PPP2R3B: variants seen among roughly 807,000 people sequenced by gnomAD.
PPP2R3B encodes the protein serine/threonine-protein phosphatase 2A regulatory subunit B'' subunit beta.
PPP2R3B carries 68 observed loss-of-function variants against 72.9 expected under a neutral mutation model. The ratio of observed to expected loss-of-function variants is 0.93; its 90% CI spans 0.77 to 1.14. The LOEUF is 1.14. Among genes scored for constraint, PPP2R3B ranks in the 50% most tolerant of loss-of-function variants. PPP2R3B has a pLI of 0.00. For synonymous variants in PPP2R3B, 466 were observed against 375.8 expected (o/e 1.24, Z -2.78); for missense variants, 1,018 against 842.0 (o/e 1.21, Z -2.59).
At chrX:339,190 A>G (rs2070984621) in intron 10 of PPP2R3B, among the ~76,000 whole-genome samples, 1 of 150,636 alleles carries the variant, frequency 6.6e-6, no homozygotes, top group East Asian at 2.0e-4. Flanking sequence ...TGGATCTGAA[A>G]TTACAGAGAA....
chrX:353,279 C>G (rs1316164332), intron 2 of PPP2R3B, among the ~76,000 whole-genome samples: 2 of 151,990 alleles, frequency 1.3e-5, no homozygotes, highest in Non-Finnish European at 2.9e-5. Flanking sequence ...GAGGCTGAGG[C>G]AGGAGAATGG....
intron 12 of PPP2R3B, chrX:335,968 C>T (rs2070878176): frequency 6.6e-6 from 1 of 152,266 alleles, no homozygotes; most frequent in African/African-American, 2.4e-5. Flanking sequence ...GCATCCAAGA[C>T]CAACCTGGGC....
chrX:386,640 G>A lies in PPP2R3B; in HGVS notation c.52C>T (p.Leu18=), dbSNP rs1343066043. Residue 18 remains leucine (L), a synonymous_variant, in exon 1 of 13, where the codon CTG becomes TTG. Coordinates refer to ENST00000390665, the MANE Select transcript of PPP2R3B (RefSeq NM_013239.5). The stretch of plus-strand genomic sequence containing the variant: ...GCCTCGCTGAGCCAGTACAGGAACA[G>A]CTCGTCCACCTTCATCTTCAGGACC... ...QPVLKMKVDE[L]FLYWLSEAST... 1.4e-6 allele frequency: 2 copies of A among 1,426,796 alleles called. No individual in the cohort carries two copies. The highest frequency in any genetic ancestry group is 1.8e-6 in the Non-Finnish European group (2 of 1,090,326). 88.4% of individuals were successfully genotyped at this position (1,426,796 alleles called of 1,614,324 possible).
chrX:342,056 G>C (rs771950934), intron 7 of PPP2R3B, 125 bp from the exon 8 acceptor site: 1 of 1,180,248 alleles, frequency 8.5e-7, no homozygotes, highest in African/African-American at 1.5e-5. Flanking sequence ...GTCTGGGAGA[G>C]CCCCGGGGCC....
chrX:335,732 T>TCA (rs1300271486), intron 12 of PPP2R3B: 1 of 152,236 alleles, frequency 6.6e-6, no homozygotes, highest in African/African-American at 2.4e-5. Flanking sequence ...GCCCCTCGCC[T>TCA]CACTGATCAC....
Position 334,122 on chromosome X carries a change from G to A in PPP2R3B, c.*245C>T, listed in dbSNP as rs957744119. On this transcript the variant is annotated 3_prime_UTR_variant, in exon 13 of 13. Coordinates refer to ENST00000390665, the MANE Select transcript of PPP2R3B (RefSeq NM_013239.5). The stretch of plus-strand genomic sequence containing the variant: ...CCAGGCTGGGTCGGGAACGGCAAGC[G>A]CCAGAGGGTGTCCGTGTGGGAACCC... The A allele has an allele frequency of 1.4e-4, 56 of 403,574 alleles. No individual in the cohort carries two copies. Among genetic ancestry groups the A allele is most frequent in the South Asian group, 3.0e-4 (5 of 16,438 alleles). The allele number at this position is 403,574 out of a possible 1,614,324, so 25.0% of individuals were successfully genotyped here.
Position 364,521 on chromosome X carries a change from CA to C in PPP2R3B, c.325-2932del, listed in dbSNP as rs1177610760. Among the ~76,000 whole-genome samples, 463 of 86,912 alleles carry C rather than the reference CA, an allele frequency of 5.3e-3. 9 individuals are homozygous for C. The highest frequency in any genetic ancestry group is 6.7e-3 in the Non-Finnish European group (303 of 45,324). The allele number at this position is 86,912 out of a possible 152,430, so 57.0% of individuals were successfully genotyped here. A position where few individuals can be genotyped will look rare whatever the true frequency, so the allele number is the denominator to read the frequency against. On this transcript the variant is annotated intron_variant, in intron 1 of 12. Transcript: ENST00000390665. ...TCATCTCTACTAAAAAAAAAAAAAA[CA>C]AAAAAAAAAAAACAGAAAACAAAAA...
intron 1 of PPP2R3B, chrX:373,547 C>T (rs7890268): frequency 0.011 from 2,710 of 243,328 alleles, 67 homozygotes; most frequent in African/African-American, 0.059. Context: ...GGAAGGCCTT[C>T]AGCCGCTTCT....
At chrX:347,079 C>T (rs2071234653) in intron 4 of PPP2R3B, 155 bp downstream of exon 4, 2 of 360,994 alleles carry the variant, frequency 5.5e-6, no homozygotes, top group Admixed American at 6.6e-5. Flanking sequence ...GTGGTGTAGA[C>T]GCGGGCCCTC....
chrX:354,412 C>CG lies in PPP2R3B; in HGVS notation c.511-6720dup, dbSNP rs1464208169. ...AGGGACCGGGGGCTCACCCAAGGACCGGGGCTGCCTTCACACTCAGACGTC... is the reference window on the plus strand; with the variant it reads ...AGGGACCGGGGGCTCACCCAAGGACCGGGGGCTGCCTTCACACTCAGACGTC... On this transcript the variant is annotated intron_variant, in intron 2 of 12. Transcript: ENST00000390665. Among the ~76,000 whole-genome samples, 4 of 152,230 alleles carry CG rather than the reference C, an allele frequency of 2.6e-5. No individual in the cohort carries two copies. The South Asian group carries it at 8.3e-4, about 31-fold the overall frequency.
intron 12 of PPP2R3B, chrX:338,053 A>T (rs1205799605): frequency 6.2e-6 from 1 of 161,120 alleles, no homozygotes; most frequent in Non-Finnish European, 1.4e-5. Context: ...CAAATTCAGA[A>T]CATCTCTGAG....
intron 4 of PPP2R3B, 68 bp from the exon 5 acceptor site, chrX:346,843 C>T (rs2071227186): frequency 2.3e-5 from 32 of 1,389,702 alleles, no homozygotes; most frequent in Non-Finnish European, 3.1e-5. Context: ...GCGGTGTGGA[C>T]GCTGCAGACG....
chrX:371,368 C>T (rs184612518), intron 1 of PPP2R3B, among the ~76,000 whole-genome samples: 306 of 152,260 alleles, frequency 2.0e-3, no homozygotes, highest in South Asian at 7.5e-3. Flanking sequence ...CCAAGGCCGG[C>T]GGTCGCTGAA....
rs868407668 is a variant in PPP2R3B, at chrX:340,624, C to T, written c.1351+141G>A. On this transcript the variant is annotated intron_variant, in intron 10 of 12. Transcript: ENST00000390665. ...CGTCCCCTCTCCCTGGGCCGTCCTC[C>T]CTCCCGTCCGTCCCCTCTCCCTGGG... 4.1e-3 allele frequency: 372 copies of T among 90,184 alleles called. 6 individuals carry two copies. The highest frequency in any genetic ancestry group is 0.011 in the East Asian group (20 of 1,854). The allele number at this position is 90,184 out of a possible 1,614,324, so 5.6% of individuals were successfully genotyped here.
intron 1 of PPP2R3B, among the ~76,000 whole-genome samples, chrX:380,104 C>T (rs1406107775): frequency 2.6e-5 from 4 of 152,200 alleles, no homozygotes; most frequent in South Asian, 2.1e-4. Flanking sequence ...CAGGCCGAAA[C>T]GCAAACCTAA....
Position 354,155 on chromosome X carries a change from G to A in PPP2R3B, c.511-6462C>T, listed in dbSNP as rs1402741577. Among the ~76,000 whole-genome samples the A allele has an allele frequency of 7.0e-5, 7 of 100,264 alleles. No individual in the cohort carries two copies. The Admixed American group carries it at 8.7e-4, about 12-fold the overall frequency. The allele number at this position is 100,264 out of a possible 152,430, so 65.8% of individuals were successfully genotyped here. On this transcript the variant is annotated intron_variant, in intron 2 of 12. Coordinates refer to ENST00000390665, the MANE Select transcript of PPP2R3B (RefSeq NM_013239.5). ...GACTGGGGGCTCACCCAAACACCGGGGGCTCACCCAGGGACTAGGGGCTCA... is the reference window on the plus strand; with the variant it reads ...GACTGGGGGCTCACCCAAACACCGGAGGCTCACCCAGGGACTAGGGGCTCA...
At chrX:344,941 T>C in intron 7 of PPP2R3B, 2 of 349,958 alleles carry the variant, frequency 5.7e-6, no homozygotes, top group South Asian at 4.3e-5. Flanking sequence ...AAAAGCACAC[T>C]TAAAGGAATC....
At chrX:370,249 C>A (rs867385829) in intron 1 of PPP2R3B, among the ~76,000 whole-genome samples, 2 of 152,198 alleles carry the variant, frequency 1.3e-5, no homozygotes, top group Admixed American at 6.5e-5. Context: ...AACACAGAAA[C>A]GCAGCAGGTG....
rs2071209385 is a variant in PPP2R3B at position 346,235 on chromosome X, ACG to A, written c.816_817del (p.Val273GlufsTer71). The A allele has an allele frequency of 6.4e-7, 1 of 1,572,038 alleles. No individual in the cohort carries two copies. Among genetic ancestry groups the A allele is most frequent in the Non-Finnish European group, 8.6e-7 (1 of 1,160,474 alleles). ...GATCCTGCCGGACCAGGACCGGTTC[ACG>A]GCGTAGAAGATCCGCTGGATGACCT... On this transcript the variant is annotated frameshift_variant, in exon 6 of 13. Transcript: ENST00000390665. LOFTEE classifies it high-confidence loss of function.
Sources: allele counts gnomAD v4.1 joint callset (sites outside exome capture counted in the v4.1 genomes callset), GRCh38; gene constraint gnomAD v4.1.1; transcripts MANE v1.5; gene names NCBI Gene and HGNC (gene_info 2026-07-23, HGNC 2026-07-21).